IQCJ: variants seen among roughly 807,000 people sequenced by gnomAD.
IQCJ encodes IQ motif containing J.
Under a neutral mutation model 11.0 loss-of-function variants are expected in IQCJ, and 9 were observed. The ratio of observed to expected loss-of-function variants is 0.82; its 90% confidence interval spans 0.49 to 1.43. IQCJ has a LOEUF of 1.43. Ranked by LOEUF, IQCJ falls within the 40% of genes most tolerant of loss-of-function variation. IQCJ has a pLI of 0.00. For synonymous variants in IQCJ, 55 were observed against 51.3 expected (o/e 1.07, Z -0.31); for missense variants, 146 against 133.2 (o/e 1.10, Z -0.47).
At chr3:159,221,169 AG>A (rs547542128) in intron 1 of IQCJ, among the ~76,000 whole-genome samples, 8 of 152,188 alleles carry the variant, frequency 5.3e-5, no homozygotes, top group Non-Finnish European at 1.0e-4. Context: ...TTATGGAGTT[AG>A]AAAAGGCCAG....
intron 1 of IQCJ, among the ~76,000 whole-genome samples, chr3:159,237,346 AGCCACAGTGATGG>A (rs1726653395): frequency 6.6e-6 from 1 of 152,258 alleles, no homozygotes; most frequent in South Asian, 2.1e-4. Context: ...CTGACTAAGC[AGCCACAGTGATGG>A]GCTTGTCTAA....
intron 1 of IQCJ, among the ~76,000 whole-genome samples, chr3:159,077,709 T>C (rs1194065072): frequency 1.3e-5 from 2 of 152,148 alleles, no homozygotes; most frequent in Admixed American, 6.6e-5. Flanking sequence ...GTGTTTACCA[T>C]TGAAAGTAGA....
intron 1 of IQCJ, among the ~76,000 whole-genome samples, chr3:159,195,641 C>G (rs1723941322): frequency 6.6e-6 from 1 of 152,202 alleles, no homozygotes; most frequent in Admixed American, 6.5e-5. Context: ...CTTCTCTGAA[C>G]ACAGGTATCC....
At chr3:159,110,248 A>C (rs1025578277) in intron 1 of IQCJ, among the ~76,000 whole-genome samples, 9 of 152,166 alleles carry the variant, frequency 5.9e-5, no homozygotes, top group African/African-American at 2.2e-4. Context: ...TAAAATGGGG[A>C]TGAATCTCTT....
intron 1 of IQCJ, among the ~76,000 whole-genome samples, chr3:159,092,541 A>G (rs1717391473): frequency 6.6e-6 from 1 of 151,752 alleles, no homozygotes; most frequent in Admixed American, 6.6e-5. Context: ...CTACTAAAAT[A>G]TAAAAAATTA....
chr3:159,140,358 C>G (rs1213363558), intron 1 of IQCJ, among the ~76,000 whole-genome samples: 1 of 152,084 alleles, frequency 6.6e-6, no homozygotes, highest in African/African-American at 2.4e-5. Context: ...CCCAGTAACC[C>G]CTGGAGAAGG....
At chr3:159,134,945 A>G (rs1720204096) in intron 1 of IQCJ, among the ~76,000 whole-genome samples, 1 of 152,222 alleles carries the variant, frequency 6.6e-6, no homozygotes, top group Non-Finnish European at 1.5e-5. Context: ...TCCCTGAGGT[A>G]AGTCTACTTG....
At chr3:159,116,912 C>A (rs1458258900) in intron 1 of IQCJ, among the ~76,000 whole-genome samples, 4 of 151,630 alleles carry the variant, frequency 2.6e-5, no homozygotes. Context: ...TTGCTACCAG[C>A]CCCTGAGAAA....
At chr3:159,119,535 T>C (rs1719227752) in intron 1 of IQCJ, among the ~76,000 whole-genome samples, 1 of 152,110 alleles carries the variant, frequency 6.6e-6, no homozygotes, top group African/African-American at 2.4e-5. Context: ...TTTGAAGATG[T>C]TTACTAGTAA....
chr3:159,157,394 T>G (rs1305267155), intron 1 of IQCJ, among the ~76,000 whole-genome samples: 1 of 152,210 alleles, frequency 6.6e-6, no homozygotes, highest in African/African-American at 2.4e-5. Context: ...TATCATTTTT[T>G]CTCATGATTG....
chr3:159,238,133 G>A (rs1236787307), intron 1 of IQCJ, among the ~76,000 whole-genome samples: 2 of 152,150 alleles, frequency 1.3e-5, no homozygotes, highest in Non-Finnish European at 2.9e-5. Context: ...GCAGTTATGG[G>A]AATATGCACT....
At chr3:159,152,032 AG>A (rs1341542834) in intron 1 of IQCJ, among the ~76,000 whole-genome samples, 3 of 152,296 alleles carry the variant, frequency 2.0e-5, no homozygotes, top group Non-Finnish European at 4.4e-5. Flanking sequence ...CCTAATTTCT[AG>A]GTTTGTGATC....
intron 1 of IQCJ, among the ~76,000 whole-genome samples, chr3:159,122,871 T>C (rs1221259046): frequency 6.6e-6 from 1 of 152,232 alleles, no homozygotes; most frequent in Non-Finnish European, 1.5e-5. Flanking sequence ...CTTTCTGCAT[T>C]TTAACTAGAG....
At chr3:159,203,939 G>C (rs948242356) in intron 1 of IQCJ, among the ~76,000 whole-genome samples, 13 of 152,074 alleles carry the variant, frequency 8.5e-5, no homozygotes, top group Admixed American at 5.9e-4. Context: ...CAAGTGAGAG[G>C]GTTGAATTTT....
chr3:159,201,507 ATC>A (rs555631659), intron 1 of IQCJ, among the ~76,000 whole-genome samples: 3 of 117,476 alleles, frequency 2.6e-5, no homozygotes, highest in African/African-American at 9.1e-5. Flanking sequence ...TTCTTTGTGT[ATC>A]TCTGTGTGTG....
intron 1 of IQCJ, among the ~76,000 whole-genome samples, chr3:159,180,519 C>G (rs1357850889): frequency 6.6e-6 from 1 of 151,112 alleles, no homozygotes; most frequent in African/African-American, 2.5e-5. Flanking sequence ...ATAGACTGCT[C>G]TTTAAAAAGA....
chr3:159,111,956 T>G (rs572295400), intron 1 of IQCJ, among the ~76,000 whole-genome samples: 2 of 152,348 alleles, frequency 1.3e-5, no homozygotes, highest in South Asian at 4.1e-4. Flanking sequence ...GGGTTTTTTT[T>G]TCCCCGCAAT....
At chr3:159,259,024 T>G (rs537308604) in intron 3 of IQCJ, among the ~76,000 whole-genome samples, 1 of 152,312 alleles carries the variant, frequency 6.6e-6, no homozygotes, top group African/African-American at 2.4e-5. Flanking sequence ...ATTAAAATAC[T>G]AGGACTCCCT....
At chr3:159,210,072 G>C (rs1160989995) in intron 1 of IQCJ, among the ~76,000 whole-genome samples, 4 of 152,208 alleles carry the variant, frequency 2.6e-5, no homozygotes, top group Admixed American at 6.5e-5. Context: ...GGAAGGGACA[G>C]TTGGGTGGCC....
Sources: gnomAD v4.1 joint callset for allele counts (sites outside exome capture counted in the v4.1 genomes callset) on GRCh38, gnomAD v4.1.1 for gene constraint, MANE v1.5 for transcripts, NCBI Gene and HGNC (gene_info 2026-07-23, HGNC 2026-07-21) for gene names.